The following NUGGC variants were observed in gnomAD, a reference collection of about 807,000 sequenced individuals.
NUGGC encodes nuclear GTPase SLIP-GC.
NUGGC carries 58 observed loss-of-function variants against 92.6 expected under a neutral mutation model. The ratio of observed to expected loss-of-function variants is 0.63; its 90% CI spans 0.51 to 0.78. The LOEUF (loss-of-function observed/expected upper bound fraction) is 0.78. NUGGC is among the 30% of genes least tolerant of loss of function. NUGGC has a pLI of 0.00. For missense variants in NUGGC, 925 were observed against 964.6 expected (o/e 0.96, Z 0.54); for synonymous variants, 376 against 366.4 (o/e 1.03, Z -0.30).
At chr8:28,081,879 A>C (rs1259536960) in intron 1 of NUGGC, among the ~76,000 whole-genome samples, 1 of 149,702 alleles carries the variant, frequency 6.7e-6, no homozygotes, top group African/African-American at 2.4e-5. Context: ...CTCCATCTCA[A>C]AAAAAAAAAA....
At chr8:28,033,311 T>C (rs1395167210) in intron 14 of NUGGC, among the ~76,000 whole-genome samples, 1 of 152,208 alleles carries the variant, frequency 6.6e-6, no homozygotes, top group East Asian at 1.9e-4. Context: ...ATAATGGGAA[T>C]CATAACATTA....
intron 6 of NUGGC, among the ~76,000 whole-genome samples, chr8:28,065,697 C>T (rs1810424268): frequency 6.6e-6 from 1 of 151,982 alleles, no homozygotes; most frequent in African/African-American, 2.4e-5. Flanking sequence ...ATGGTGGTCA[C>T]TGTTAAATAA....
intron 6 of NUGGC, 99 bp downstream of exon 6, chr8:28,067,415 C>T (rs1391949090): frequency 1.3e-6 from 1 of 748,874 alleles, no homozygotes; most frequent in African/African-American, 1.8e-5. Context: ...TTTCTTATTT[C>T]ACACAAACAC....
chr8:28,070,819 AAT>A (rs200095027), intron 2 of NUGGC, among the ~76,000 whole-genome samples: 9 of 148,622 alleles, frequency 6.1e-5, no homozygotes, highest in Non-Finnish European at 7.5e-5. Flanking sequence ...ACTTACCAAA[AAT>A]ATATATATAT....
In NUGGC at chr8:28,063,840, C is replaced by T. The variant is rs147130456; in HGVS notation, c.921+682G>A. On this transcript the variant is annotated intron_variant, in intron 7 of 18. Transcript: ENST00000413272. The stretch of plus-strand genomic sequence containing the variant: ...GCTCACAACTCACTGATGCTGGTCC[C>T]CCTCTCCCAGTCCCCTTCCAGCTCC... 1.4e-3 allele frequency among the ~76,000 whole-genome samples: 208 copies of T among 152,296 alleles called. 2 individuals carry two copies. The highest frequency in any genetic ancestry group is 2.1e-3 in the Non-Finnish European group (143 of 68,022).
chr8:28,082,201 G>A (rs1810868272), intron 1 of NUGGC, among the ~76,000 whole-genome samples: 1 of 152,222 alleles, frequency 6.6e-6, no homozygotes. Context: ...TATGTTTTCA[G>A]CATTAACACA....
chr8:28,070,224 G>A, intron 3 of NUGGC, 28 bp downstream of exon 3: 1 of 1,524,464 alleles, frequency 6.6e-7, no homozygotes, highest in Non-Finnish European at 8.9e-7. Flanking sequence ...ACCGAACCAT[G>A]TTAAAACAAC....
At chr8:28,033,734 T>A in intron 13 of NUGGC, 37 bp from the exon 14 acceptor site, 1 of 1,590,914 alleles carries the variant, frequency 6.3e-7, no homozygotes, top group Non-Finnish European at 8.6e-7. Flanking sequence ...AGTTAGGCAT[T>A]AACTGGAAGG....
At chr8:28,074,018 C>T (rs570006053) in intron 2 of NUGGC, among the ~76,000 whole-genome samples, 64 of 151,830 alleles carry the variant, frequency 4.2e-4, no homozygotes, top group African/African-American at 1.5e-3. Flanking sequence ...AGGCTGGTCA[C>T]GAACTCCTGA....
chr8:28,074,220 A>G lies in NUGGC; in HGVS notation c.43+148T>C, dbSNP rs182194900. On this transcript the variant is annotated intron_variant, in intron 2 of 18. Transcript: ENST00000413272. ...TTGAAATATCTGATCTTCATTCACT[A>G]TTTAAACTTGTCACGAGAAAGCACC... The G allele has an allele frequency of 1.7e-4, 113 of 650,954 alleles. No individual in the cohort carries two copies. In the East Asian group the frequency reaches 2.8e-3, roughly 16 times the overall value. 40.3% of individuals were successfully genotyped at this position (650,954 alleles called of 1,614,324 possible).
At chr8:28,024,533 C>T (rs1445360474) in intron 18 of NUGGC, among the ~76,000 whole-genome samples, 4 of 152,204 alleles carry the variant, frequency 2.6e-5, no homozygotes, top group Admixed American at 2.6e-4. Flanking sequence ...CTCTATCTAT[C>T]CACACATCCT....
At chr8:28,027,086 G>A in intron 17 of NUGGC, 34 bp from the exon 18 acceptor site, 1 of 1,518,634 alleles carries the variant, frequency 6.6e-7, no homozygotes, top group Non-Finnish European at 9.1e-7. Flanking sequence ...TGTTAGGATG[G>A]TGCAGCCCAA....
intron 7 of NUGGC, among the ~76,000 whole-genome samples, chr8:28,064,133 T>C (rs963481604): frequency 2.0e-5 from 3 of 152,238 alleles, no homozygotes; most frequent in African/African-American, 7.2e-5. Flanking sequence ...AGCTCTATGC[T>C]GATGCTGCTT....
chr8:28,044,504 C>A (rs1336134736), intron 12 of NUGGC, among the ~76,000 whole-genome samples: 1 of 152,176 alleles, frequency 6.6e-6, no homozygotes, highest in Non-Finnish European at 1.5e-5. Context: ...TAAAGACGGG[C>A]TAGCTAAAAG....
chr8:28,024,135 C>T (rs1227772193), intron 18 of NUGGC, among the ~76,000 whole-genome samples: 4 of 152,020 alleles, frequency 2.6e-5, no homozygotes, highest in African/African-American at 9.7e-5. Flanking sequence ...GTGCTTCTGC[C>T]TCAGACACCC....
chr8:28,078,285 G>A (rs1810770885), intron 1 of NUGGC, among the ~76,000 whole-genome samples: 1 of 152,134 alleles, frequency 6.6e-6, no homozygotes, highest in African/African-American at 2.4e-5. Context: ...ATCATTTGAT[G>A]ACCAAACAAA....
Position 28,069,581 on chromosome 8 carries a change from G to A in NUGGC, c.220C>T (p.Leu74=). 1 of 1,609,732 alleles carries A rather than the reference G, an allele frequency of 6.2e-7. No individual in the cohort carries two copies. Among genetic ancestry groups the A allele is most frequent in the Admixed American group, 1.7e-5 (1 of 60,014 alleles). ...TYQKLIQSVF[L]DDSIPNGVKY... ...ACTCCATTAGGGATGCTGTCATCCA[G>A]GAAGACAGACTGAATAAGTTTCTGA... is the stretch of plus-strand genomic sequence containing the variant. The change falls in exon 4 of 19, where the codon CTG becomes TTG. Residue 74 remains leucine, a synonymous_variant. Coordinates refer to ENST00000413272, the MANE Select transcript of NUGGC (RefSeq NM_001010906.2).
At chr8:28,043,854 G>A (rs1020288113) in intron 12 of NUGGC, among the ~76,000 whole-genome samples, 1 of 152,142 alleles carries the variant, frequency 6.6e-6, no homozygotes, top group Admixed American at 6.5e-5. Context: ...GAAATTGGAA[G>A]GTCAAACCCT....
At chr8:28,051,735 C>A (rs1364790568) in intron 10 of NUGGC, among the ~76,000 whole-genome samples, 1 of 152,136 alleles carries the variant, frequency 6.6e-6, no homozygotes, top group African/African-American at 2.4e-5. Context: ...CCAGCCTGAC[C>A]AGCATGGAGA....
Sources: allele counts gnomAD v4.1 joint callset (sites outside exome capture counted in the v4.1 genomes callset), GRCh38; gene constraint gnomAD v4.1.1; transcripts MANE v1.5; gene names NCBI Gene and HGNC (gene_info 2026-07-23, HGNC 2026-07-21).